SEL1L3: variants seen among roughly 807,000 people sequenced by gnomAD.
SEL1L3 encodes the protein protein sel-1 homolog 3.
In SEL1L3, 76 loss-of-function variants were observed where a neutral mutation model predicts 142.8. The ratio of observed to expected loss-of-function variants is 0.53; its 90% CI spans 0.44 to 0.64. SEL1L3 has a LOEUF of 0.64. Among genes scored for constraint, SEL1L3 ranks in the 30% least tolerant of loss-of-function variants. The probability of loss-of-function intolerance (pLI) is 0.00; values close to 1 mark genes in which losing one functional copy is unlikely to be tolerated. For missense variants in SEL1L3, 1,262 were observed against 1,381.7 expected (o/e 0.91, Z 1.37); for synonymous variants, 504 against 519.6 (o/e 0.97, Z 0.41).
chr4:25,720,992 G>A, the SEL1L3 span: 1 of 152,108 alleles, frequency 6.6e-6, no homozygotes, highest in Non-Finnish European at 1.5e-5. Flanking sequence ...GTGGTAGAAT[G>A]CCCAGAAGAA....
At chr4:25,820,980 G>A (rs1296946865) in intron 7 of SEL1L3, among the ~76,000 whole-genome samples, 3 of 151,962 alleles carry the variant, frequency 2.0e-5, no homozygotes, top group African/African-American at 4.8e-5. Flanking sequence ...CGCCTGCCTC[G>A]GCCTCCCAAA....
intron 2 of SEL1L3, 130 bp downstream of exon 2, chr4:25,847,164 G>A: frequency 5.6e-6 from 4 of 713,292 alleles, no homozygotes. Context: ...CAAAGTTACA[G>A]ACTCATTGTG....
chr4:25,806,479 C>T (rs1284263079), intron 9 of SEL1L3, among the ~76,000 whole-genome samples: 1 of 152,090 alleles, frequency 6.6e-6, no homozygotes, highest in Non-Finnish European at 1.5e-5. Context: ...TGCAGAGGTC[C>T]ATGCTAAAAA....
chr4:25,744,012 C>G (rs1717189110), downstream of SEL1L3, among the ~76,000 whole-genome samples: 2 of 152,124 alleles, frequency 1.3e-5, no homozygotes, highest in African/African-American at 4.8e-5. Context: ...TGAGAAATCC[C>G]CAGAGGACAG....
At chr4:25,800,297 TAAG>T (rs2109215767) in intron 11 of SEL1L3, among the ~76,000 whole-genome samples, 1 of 152,298 alleles carries the variant, frequency 6.6e-6, no homozygotes, top group Non-Finnish European at 1.5e-5. Flanking sequence ...TTTAAATTCT[TAAG>T]AAGCCATTAA....
chr4:25,861,145 G>T (rs1717681158), intron 1 of SEL1L3, among the ~76,000 whole-genome samples: 1 of 152,166 alleles, frequency 6.6e-6, no homozygotes, highest in African/African-American at 2.4e-5. Context: ...TGCTTCTGTG[G>T]GTAGCCAGCA....
At chr4:25,775,699 G>A (rs1216847396) in intron 17 of SEL1L3, among the ~76,000 whole-genome samples, 1 of 152,184 alleles carries the variant, frequency 6.6e-6, no homozygotes, top group Admixed American at 6.5e-5. Flanking sequence ...CATACACCAT[G>A]TTTCATCCCA....
the SEL1L3 span, among the ~76,000 whole-genome samples, chr4:25,724,599 T>C: frequency 6.7e-6 from 1 of 150,038 alleles, no homozygotes; most frequent in Non-Finnish European, 1.5e-5. Flanking sequence ...ATTAACTGGG[T>C]GTGGTGGTGG....
chr4:25,805,470 C>T (rs1713492783), intron 9 of SEL1L3, among the ~76,000 whole-genome samples: 1 of 152,178 alleles, frequency 6.6e-6, no homozygotes, highest in African/African-American at 2.4e-5. Flanking sequence ...GTCACTAAAG[C>T]CAGAGTTCAC....
chr4:25,839,961 A>G (rs530548807), intron 2 of SEL1L3, among the ~76,000 whole-genome samples: 2 of 152,298 alleles, frequency 1.3e-5, no homozygotes, highest in South Asian at 2.1e-4. Flanking sequence ...GATGATTCAC[A>G]TCGATAAAAA....
At chr4:25,755,132 G>A (rs1717866213) in intron 23 of SEL1L3, among the ~76,000 whole-genome samples, 2 of 152,156 alleles carry the variant, frequency 1.3e-5, no homozygotes, top group South Asian at 4.2e-4. Context: ...TGCCCAGGCT[G>A]GAGTGCCATG....
chr4:25,731,989 A>T, the SEL1L3 span, among the ~76,000 whole-genome samples: 1 of 152,092 alleles, frequency 6.6e-6, no homozygotes, highest in Non-Finnish European at 1.5e-5. Flanking sequence ...CATGAGAATC[A>T]CTTGAACTTG....
At chr4:25,735,262 C>T in the SEL1L3 span, among the ~76,000 whole-genome samples, 2 of 151,574 alleles carry the variant, frequency 1.3e-5, no homozygotes, top group Non-Finnish European at 2.9e-5. Flanking sequence ...CCAGGTTGTT[C>T]CTGGACTCCT....
chr4:25,803,331 G>T (rs1713321461), intron 10 of SEL1L3, among the ~76,000 whole-genome samples: 1 of 152,248 alleles, frequency 6.6e-6, no homozygotes, highest in South Asian at 2.1e-4. Context: ...AGGAAAACAT[G>T]CTGTCATTCA....
the SEL1L3 span, among the ~76,000 whole-genome samples, chr4:25,740,178 A>T: frequency 6.6e-6 from 1 of 151,908 alleles, no homozygotes; most frequent in East Asian, 2.0e-4. Context: ...TCATGCCTGT[A>T]ATCCCAGCAC....
At chr4:25,758,822 T>C in intron 21 of SEL1L3, 119 bp downstream of exon 21, 2 of 1,156,450 alleles carry the variant, frequency 1.7e-6, no homozygotes, top group Non-Finnish European at 2.4e-6. Context: ...CTTTTTGTTT[T>C]TGTTTTTTAA....
At chr4:25,848,705 A>G (rs1030285371) in intron 1 of SEL1L3, among the ~76,000 whole-genome samples, 4 of 152,272 alleles carry the variant, frequency 2.6e-5, no homozygotes, top group African/African-American at 9.6e-5. Flanking sequence ...CACAACGCAT[A>G]CACACAGAGA....
the SEL1L3 span, among the ~76,000 whole-genome samples, chr4:25,726,741 A>G: frequency 6.6e-6 from 1 of 151,888 alleles, no homozygotes; most frequent in Non-Finnish European, 1.5e-5. Context: ...GCCTTCACAG[A>G]ATTCCTAGAA....
chr4:25,740,794 T>A, the SEL1L3 span, among the ~76,000 whole-genome samples: 1 of 152,232 alleles, frequency 6.6e-6, no homozygotes, highest in Non-Finnish European at 1.5e-5. Context: ...CTTTTTTCTT[T>A]TTTTTCCTGA....
Sources: gnomAD v4.1 joint callset for allele counts (sites outside exome capture counted in the v4.1 genomes callset) on GRCh38, gnomAD v4.1.1 for gene constraint, MANE v1.5 for transcripts, NCBI Gene and HGNC (gene_info 2026-07-23, HGNC 2026-07-21) for gene names.